PPP4R2: variants seen among roughly 807,000 people sequenced by gnomAD.
PPP4R2 encodes serine/threonine-protein phosphatase 4 regulatory subunit 2.
A neutral mutation model predicts 47.2 loss-of-function variants in PPP4R2; 13 were observed. The observed-to-expected ratio is 0.28, with a 90% CI of 0.18 to 0.44. PPP4R2 has a LOEUF of 0.44. Ranked by LOEUF, PPP4R2 falls within the 20% of genes least tolerant of loss-of-function variation. PPP4R2 has a pLI of 1.00. For missense variants in PPP4R2, 421 were observed against 491.2 expected, an observed-to-expected ratio of 0.86 and a Z score of 1.35; for synonymous variants, 151 against 163.3, an observed-to-expected ratio of 0.92 and a Z score of 0.57.
intron 5 of PPP4R2, chr3:73,063,026 C>A (rs1559570506): frequency 1.1e-6 from 1 of 926,364 alleles, no homozygotes; most frequent in South Asian, 1.7e-5. Flanking sequence ...AGAAAAAAAA[C>A]AATGGTTAAA....
At chr3:72,999,353 AAAATGACCACATGCCATCTTTC>A (rs1476943632) in intron 2 of PPP4R2, among the ~76,000 whole-genome samples, 1 of 152,252 alleles carries the variant, frequency 6.6e-6, no homozygotes, top group African/African-American at 2.4e-5. Context: ...GATAAGCCTA[AAAATGACCACATGCCATCTTTC>A]AAAAATAAAT....
chr3:73,015,465 G>A (rs1333102931), intron 2 of PPP4R2, among the ~76,000 whole-genome samples: 4 of 144,140 alleles, frequency 2.8e-5, no homozygotes, highest in Admixed American at 7.0e-5. Context: ...ATGAGCCACC[G>A]TGCCCAGCCT....
chr3:73,009,885 T>C (rs577164842), intron 2 of PPP4R2, among the ~76,000 whole-genome samples: 1 of 152,362 alleles, frequency 6.6e-6, no homozygotes, highest in East Asian at 1.9e-4. Flanking sequence ...TTCGTTTGCT[T>C]GTCTTCTCTC....
chr3:73,058,531 T>TTG (rs1257931708), intron 3 of PPP4R2, among the ~76,000 whole-genome samples: 3 of 151,998 alleles, frequency 2.0e-5, no homozygotes, highest in Non-Finnish European at 2.9e-5. Context: ...AGAATTTCTG[T>TTG]TGGTAAATAG....
At chr3:73,022,664 T>G (rs996750305) in intron 2 of PPP4R2, among the ~76,000 whole-genome samples, 1 of 152,166 alleles carries the variant, frequency 6.6e-6, no homozygotes, top group African/African-American at 2.4e-5. Context: ...TTTAAGAACG[T>G]CAATAAATAT....
rs1051520902 is a variant in PPP4R2 at position 73,066,888 on chromosome 3, T to C, written c.*1166T>C. ...TGCTTCTTCGACAGCCAGTGTTATA[T>C]TTTTCAGATCAACACAAAGCACAAT... On this transcript the variant is annotated 3_prime_UTR_variant, in exon 9 of 9. Transcript: ENST00000356692. 3.3e-5 allele frequency: 5 copies of C among 152,102 alleles called. No individual in the cohort carries two copies. Among genetic ancestry groups the C allele is most frequent in the Non-Finnish European group, 5.9e-5 (4 of 67,944 alleles). 9.4% of individuals were successfully genotyped at this position (152,102 alleles called of 1,614,324 possible). A position where few individuals can be genotyped will look rare whatever the true frequency, so the allele number is the denominator to read the frequency against.
intron 2 of PPP4R2, among the ~76,000 whole-genome samples, chr3:73,035,262 T>C (rs1702241990): frequency 6.6e-6 from 1 of 152,120 alleles, no homozygotes; most frequent in Non-Finnish European, 1.5e-5. Flanking sequence ...AAGCCAGGCA[T>C]GGTGGCACAC....
chr3:73,037,182 G>C (rs557506522), intron 2 of PPP4R2, among the ~76,000 whole-genome samples: 1 of 152,068 alleles, frequency 6.6e-6, no homozygotes. Context: ...TTCTAGATTA[G>C]ATCTTCATAG....
chr3:73,012,272 C>T (rs1701740733), intron 2 of PPP4R2, among the ~76,000 whole-genome samples: 1 of 152,142 alleles, frequency 6.6e-6, no homozygotes, highest in South Asian at 2.1e-4. Context: ...AATGTCTCCA[C>T]ATTTCAGTAC....
intron 2 of PPP4R2, among the ~76,000 whole-genome samples, chr3:73,025,567 A>G (rs561578830): frequency 6.6e-6 from 1 of 152,338 alleles, no homozygotes; most frequent in Admixed American, 6.5e-5. Flanking sequence ...CTTTGGGAGC[A>G]GTAACTTAAA....
In PPP4R2 at chr3:73,065,741, A is replaced by G; in HGVS notation, c.*19A>G. On this transcript the variant is annotated 3_prime_UTR_variant, in exon 9 of 9. Coordinates refer to ENST00000356692, the MANE Select transcript of PPP4R2 (RefSeq NM_174907.4). ...AGACTAACTATTTAGAAACATTTAG[A>G]TGCAGTATTTTACATACAGTTCTGG... The G allele has an allele frequency of 6.5e-7, 1 of 1,536,762 alleles. No homozygotes were observed. The highest frequency in any genetic ancestry group is 1.4e-5 in the African/African-American group (1 of 72,270).
intron 2 of PPP4R2, among the ~76,000 whole-genome samples, chr3:73,034,542 G>A (rs1702228529): frequency 6.6e-6 from 1 of 151,990 alleles, no homozygotes; most frequent in South Asian, 2.1e-4. Context: ...CTATAGTTTT[G>A]TTTTGTTTTT....
chr3:73,031,010 A>G (rs555138880), intron 2 of PPP4R2, among the ~76,000 whole-genome samples: 42 of 152,082 alleles, frequency 2.8e-4, no homozygotes, highest in Admixed American at 1.2e-3. Context: ...CCAGATTATA[A>G]TTTTTACAGT....
At chr3:73,044,350 G>A (rs1322360945) in intron 2 of PPP4R2, among the ~76,000 whole-genome samples, 1 of 152,140 alleles carries the variant, frequency 6.6e-6, no homozygotes, top group Non-Finnish European at 1.5e-5. Flanking sequence ...ACTTTGGGAG[G>A]CTGAGGTGGG....
intron 4 of PPP4R2, among the ~76,000 whole-genome samples, chr3:73,060,402 T>G (rs543762652): frequency 1.1e-3 from 175 of 152,312 alleles, no homozygotes; most frequent in South Asian, 2.1e-3. Flanking sequence ...AAATCAGGGT[T>G]GCAGTGTTTC....
rs1702155844 is a variant in PPP4R2 at position 73,031,014 on chromosome 3, T to G, written c.117-16172T>G. 2.0e-5 allele frequency among the ~76,000 whole-genome samples: 3 copies of G among 152,022 alleles called. No homozygotes were observed. The South Asian group carries it at 6.2e-4, about 32-fold the overall frequency. ...ACCGCACTGGGCCAGATTATAATTT[T>G]TACAGTTGAAGCTGGGTAATGAAGG... On this transcript the variant is annotated intron_variant, in intron 2 of 8. Transcript: ENST00000356692.
intron 3 of PPP4R2, among the ~76,000 whole-genome samples, chr3:73,057,040 C>T (rs1702744031): frequency 6.6e-6 from 1 of 152,014 alleles, no homozygotes; most frequent in Non-Finnish European, 1.5e-5. Flanking sequence ...GACAGTATCA[C>T]TATGGGGTGA....
intron 2 of PPP4R2, among the ~76,000 whole-genome samples, chr3:73,003,192 T>C (rs1462344741): frequency 6.7e-6 from 1 of 150,072 alleles, no homozygotes; most frequent in African/African-American, 2.5e-5. Context: ...TCTGAGCATA[T>C]TGCTATTACG....
chr3:73,044,921 G>A (rs1187348658), intron 2 of PPP4R2, among the ~76,000 whole-genome samples: 1 of 152,154 alleles, frequency 6.6e-6, no homozygotes, highest in African/African-American at 2.4e-5. Flanking sequence ...TCTGTTGATA[G>A]TGTCCTTTGA....
Sources: allele counts gnomAD v4.1 joint callset (sites outside exome capture counted in the v4.1 genomes callset), GRCh38; gene constraint gnomAD v4.1.1; transcripts MANE v1.5; gene names NCBI Gene and HGNC (gene_info 2026-07-23, HGNC 2026-07-21).